The following GRM8 variants were observed in gnomAD, a reference collection of about 807,000 sequenced individuals.
GRM8 encodes the protein glutamate metabotropic receptor 8, also known as metabotropic glutamate receptor 8.
A neutral mutation model predicts 87.2 loss-of-function variants in GRM8; 47 were observed. The ratio of observed to expected loss-of-function variants is 0.54; its 90% CI spans 0.43 to 0.69. The LOEUF (loss-of-function observed/expected upper bound fraction) is 0.69, where lower values mean the gene tolerates loss of function less well. GRM8 is among the 30% of genes least tolerant of loss of function. The pLI, the probability that GRM8 is intolerant of heterozygous loss-of-function variation, is 0.00. For missense variants in GRM8, 1,019 were observed against 1,139.2 expected (o/e 0.89, Z 1.52); for synonymous variants, 396 against 404.5 (o/e 0.98, Z 0.25).
chr7:127,122,461 C>T (rs1419188405), intron 2 of GRM8, among the ~76,000 whole-genome samples: 1 of 139,520 alleles, frequency 7.2e-6, no homozygotes, highest in Non-Finnish European at 1.5e-5. Flanking sequence ...TATCATTAGG[C>T]TTTCTATTTA....
At chr7:126,805,735 C>T (rs529062603) in intron 6 of GRM8, among the ~76,000 whole-genome samples, 2 of 152,292 alleles carry the variant, frequency 1.3e-5, no homozygotes, top group East Asian at 1.9e-4. Context: ...GTTTGACATC[C>T]TTGGCAGGCC....
At chr7:126,838,498 C>T (rs1795997893) in intron 6 of GRM8, among the ~76,000 whole-genome samples, 1 of 152,176 alleles carries the variant, frequency 6.6e-6, no homozygotes, top group Admixed American at 6.5e-5. Flanking sequence ...TAACCTTCCC[C>T]ACCTACTATT....
At chr7:127,092,227 G>T in intron 3 of GRM8, among the ~76,000 whole-genome samples, 1 of 151,896 alleles carries the variant, frequency 6.6e-6, no homozygotes, top group Non-Finnish European at 1.5e-5. Flanking sequence ...AATTTCTGAG[G>T]TTGGAGCATT....
At chr7:126,825,142 A>T (rs1393346317) in intron 6 of GRM8, among the ~76,000 whole-genome samples, 1 of 152,088 alleles carries the variant, frequency 6.6e-6, no homozygotes, top group Non-Finnish European at 1.5e-5. Context: ...ACCTCGGCTC[A>T]CTGCAACCTC....
At chr7:126,648,189 T>C (rs560050367) in intron 7 of GRM8, among the ~76,000 whole-genome samples, 1 of 152,234 alleles carries the variant, frequency 6.6e-6, no homozygotes, top group South Asian at 2.1e-4. Flanking sequence ...AGAGACCTTT[T>C]TATCCTGTCA....
intron 2 of GRM8, among the ~76,000 whole-genome samples, chr7:127,168,770 C>G (rs1423550932): frequency 6.6e-6 from 1 of 151,930 alleles, no homozygotes; most frequent in Non-Finnish European, 1.5e-5. Flanking sequence ...AAACCAAACA[C>G]TGCATGTTCT....
At chr7:127,130,049 A>AT (rs1453275378) in intron 2 of GRM8, among the ~76,000 whole-genome samples, 1 of 152,082 alleles carries the variant, frequency 6.6e-6, no homozygotes, top group African/African-American at 2.4e-5. Flanking sequence ...ATGAGATCTA[A>AT]TGGTTTAAAA....
intron 3 of GRM8, among the ~76,000 whole-genome samples, chr7:126,978,450 A>T (rs1477482395): frequency 6.6e-6 from 1 of 152,204 alleles, no homozygotes; most frequent in Non-Finnish European, 1.5e-5. Context: ...GCATGCTCAA[A>T]TATCCTAATA....
intron 3 of GRM8, among the ~76,000 whole-genome samples, chr7:126,953,516 G>T (rs1203141975): frequency 6.6e-6 from 1 of 152,064 alleles, no homozygotes; most frequent in African/African-American, 2.4e-5. Flanking sequence ...GACGACTTGG[G>T]CAGTGTATTT....
chr7:126,548,624 G>A (rs568755306), intron 8 of GRM8, among the ~76,000 whole-genome samples: 1 of 152,268 alleles, frequency 6.6e-6, no homozygotes, highest in African/African-American at 2.4e-5. Context: ...GAGAGGAAGT[G>A]TAAATAACAG....
intron 3 of GRM8, among the ~76,000 whole-genome samples, chr7:126,953,387 T>C (rs574807995): frequency 6.6e-6 from 1 of 152,244 alleles, no homozygotes; most frequent in African/African-American, 2.4e-5. Context: ...CATCTTTCCC[T>C]CTTGCAAAGA....
rs540335730 is a variant in GRM8 at position 126,984,411 on chromosome 7, C to G, written c.728-79728G>C. ...TGGGAAAGGCAGACCCACCCTCAATCAGGGGTTCACCTAATTAGCTGCCAG... is the reference window on the plus strand; with the variant it reads ...TGGGAAAGGCAGACCCACCCTCAATGAGGGGTTCACCTAATTAGCTGCCAG... On this transcript the variant is annotated intron_variant, in intron 3 of 10. Transcript: ENST00000339582. 1.3e-3 allele frequency among the ~76,000 whole-genome samples: 190 copies of G among 150,500 alleles called. 1 individual carries two copies. The highest frequency in any genetic ancestry group is 4.5e-3 in the African/African-American group (185 of 41,290).
At chr7:126,741,360 C>A (rs1460071625) in intron 7 of GRM8, among the ~76,000 whole-genome samples, 1 of 152,124 alleles carries the variant, frequency 6.6e-6, no homozygotes, top group Non-Finnish European at 1.5e-5. Flanking sequence ...ACACTGTTTT[C>A]AAACAGAGGA....
At chr7:126,851,643 T>A (rs1469745030) in intron 6 of GRM8, among the ~76,000 whole-genome samples, 2 of 152,116 alleles carry the variant, frequency 1.3e-5, no homozygotes, top group African/African-American at 4.8e-5. Flanking sequence ...TCAGGGCCTT[T>A]GCAATGGTCT....
intron 6 of GRM8, among the ~76,000 whole-genome samples, chr7:126,894,481 T>A (rs1419673753): frequency 6.6e-6 from 1 of 152,080 alleles, no homozygotes; most frequent in African/African-American, 2.4e-5. Flanking sequence ...ATTCATTTTT[T>A]CTCTCTGTAG....
intron 7 of GRM8, among the ~76,000 whole-genome samples, chr7:126,755,621 A>C (rs1174372108): frequency 6.6e-6 from 1 of 151,950 alleles, no homozygotes; most frequent in Non-Finnish European, 1.5e-5. Flanking sequence ...AGAAAAGCAA[A>C]TGTGTTTTCC....
At chr7:126,719,242 C>T (rs199542182) in intron 7 of GRM8, among the ~76,000 whole-genome samples, 1 of 116,876 alleles carries the variant, frequency 8.6e-6, no homozygotes, top group African/African-American at 3.5e-5. Context: ...ATTTTTGGCA[C>T]ACAATAAATT....
Position 126,904,657 on chromosome 7 carries a change from T to C in GRM8, c.754A>G (p.Lys252Glu), listed in dbSNP as rs1463324262. 8.1e-6 allele frequency: 13 copies of C among 1,613,796 alleles called. No homozygotes were observed. The East Asian group carries it at 2.9e-4, about 36-fold the overall frequency. ...CCAGGTCTTGGTTCACGTGGGATTTTCTGTGACTGAGCAATGCAAACACCA... is the reference window on the plus strand; with the variant it reads ...CCAGGTCTTGGTTCACGTGGGATTTCCTGTGACTGAGCAATGCAAACACCA... ...IGGVCIAQSQ[K>E]IPREPRPGEF... The change falls in exon 4 of 11, where the codon AAA becomes GAA. Residue 252 changes from lysine to glutamate, a missense_variant. Coordinates refer to ENST00000339582, the MANE Select transcript of GRM8 (RefSeq NM_000845.3).
At chr7:126,973,167 G>A (rs1810607797) in intron 3 of GRM8, among the ~76,000 whole-genome samples, 1 of 152,078 alleles carries the variant, frequency 6.6e-6, no homozygotes, top group African/African-American at 2.4e-5. Context: ...ACACATTACT[G>A]GGCCCCACTC....
Sources: allele counts gnomAD v4.1 joint callset (sites outside exome capture counted in the v4.1 genomes callset), GRCh38; gene constraint gnomAD v4.1.1; transcripts MANE v1.5; gene names NCBI Gene and HGNC (gene_info 2026-07-23, HGNC 2026-07-21).